TTC34: variants seen among roughly 807,000 people sequenced by gnomAD.
The protein encoded by TTC34 is tetratricopeptide repeat domain 34, also known as tetratricopeptide repeat protein 34.
TTC34 carries 44 observed loss-of-function variants against 40.7 expected under a neutral mutation model. The ratio of observed to expected loss-of-function variants is 1.08; its 90% CI spans 0.85 to 1.39. TTC34 has a LOEUF of 1.39. TTC34 is among the 40% of genes most tolerant of loss of function. TTC34 has a pLI of 0.00. For synonymous variants in TTC34, 422 were observed against 398.6 expected, an observed-to-expected ratio of 1.06 and a Z score of -0.70; for missense variants, 884 against 838.0, an observed-to-expected ratio of 1.05 and a Z score of -0.68.
At chr1:2,790,102 G>A (rs888848954) in exon 3 of TTC34, 2 of 398,046 alleles carry the variant, frequency 5.0e-6, no homozygotes, top group East Asian at 7.1e-5. Flanking sequence ...CCGCATCCTC[G>A]CGGAGCTCAG....
At chr1:2,660,795 C>A (rs1570772548) in intron 6 of TTC34, among the ~76,000 whole-genome samples, 1 of 131,234 alleles carries the variant, frequency 7.6e-6, no homozygotes, top group African/African-American at 3.1e-5. Context: ...CCCACACCCC[C>A]AGGTGAGCAT....
chr1:2,654,541 G>C (rs1390897286), intron 6 of TTC34, among the ~76,000 whole-genome samples: 25 of 140,248 alleles, frequency 1.8e-4, no homozygotes, highest in African/African-American at 6.6e-4. Flanking sequence ...ACCCCCAGGC[G>C]AGCATCTGAC....
chr1:2,791,861 C>T (rs1054443143), intron 2 of TTC34, among the ~76,000 whole-genome samples: 3 of 151,912 alleles, frequency 2.0e-5, no homozygotes, highest in East Asian at 1.9e-4. Context: ...TGATATTGTC[C>T]CCAGGTCACC....
chr1:2,677,284 C>T (rs1639940345), intron 6 of TTC34, among the ~76,000 whole-genome samples: 1 of 54,304 alleles, frequency 1.8e-5, no homozygotes, highest in Non-Finnish European at 4.2e-5. Context: ...GGAGCAGCAC[C>T]CACAACCACA....
chr1:2,767,511 C>G (rs1203502388), intron 6 of TTC34, among the ~76,000 whole-genome samples: 4 of 145,418 alleles, frequency 2.8e-5, no homozygotes, highest in African/African-American at 7.7e-5. Context: ...CAGCCTGGAA[C>G]AGAACCCCAC....
intron 6 of TTC34, among the ~76,000 whole-genome samples, chr1:2,775,836 G>A (rs1210725543): frequency 1.4e-5 from 2 of 143,644 alleles, no homozygotes; most frequent in Non-Finnish European, 3.0e-5. Flanking sequence ...GCCCACCCCT[G>A]GGTGAGGATG....
intron 6 of TTC34, among the ~76,000 whole-genome samples, chr1:2,693,182 ACACCCCCAGGTGCG>A: frequency 9.7e-6 from 1 of 102,694 alleles, no homozygotes; most frequent in Non-Finnish European, 1.9e-5. Context: ...GTCCGCACCC[ACACCCCCAGGTGCG>A]CATCTGATGG....
At chr1:2,750,236 A>T (rs1641270388) in intron 6 of TTC34, among the ~76,000 whole-genome samples, 10 of 151,976 alleles carry the variant, frequency 6.6e-5, no homozygotes, top group Middle Eastern at 3.5e-3. Context: ...CTGGAGCAGC[A>T]CCCACACCCA....
chr1:2,793,089 T>C (rs1313766980), intron 2 of TTC34, among the ~76,000 whole-genome samples: 1 of 152,272 alleles, frequency 6.6e-6, no homozygotes, highest in Non-Finnish European at 1.5e-5. Context: ...TATTGTTAGA[T>C]AGACAATTTT....
At chr1:2,795,728 A>C (rs1018379977) in intron 2 of TTC34, among the ~76,000 whole-genome samples, 3 of 152,210 alleles carry the variant, frequency 2.0e-5, no homozygotes, top group African/African-American at 7.2e-5. Flanking sequence ...ACAAATTGGA[A>C]GTGGTCATCC....
chr1:2,750,890 CA>C (rs1421746458), intron 6 of TTC34, among the ~76,000 whole-genome samples: 3 of 91,720 alleles, frequency 3.3e-5, no homozygotes, highest in Admixed American at 1.1e-4. Context: ...CCCAAACCCC[CA>C]GGCGAGCATC....
chr1:2,771,835 C>T lies in TTC34; in HGVS notation c.2226+11774G>A, dbSNP rs201189812. Among the ~76,000 whole-genome samples, 27 of 81,964 alleles carry T rather than the reference C, an allele frequency of 3.3e-4. No homozygotes were observed. The East Asian group carries it at 4.7e-3, about 14-fold the overall frequency. The allele number at this position is 81,964 out of a possible 152,430, so 53.8% of individuals were successfully genotyped here. A position where few individuals can be genotyped will look rare whatever the true frequency, so the allele number is the denominator to read the frequency against. On this transcript the variant is annotated intron_variant, in intron 6 of 8. Transcript: ENST00000401095. ...GTGAGCATCTGACAGCCTGGAGCAG[C>T]GCCCACACACTGAGGTGAGCATCTG...
At chr1:2,652,512 A>AGGGT (rs1639180742) in intron 6 of TTC34, among the ~76,000 whole-genome samples, 1 of 28,200 alleles carries the variant, frequency 3.5e-5, no homozygotes, top group Non-Finnish European at 7.4e-5. Context: ...ACGGCCTGCA[A>AGGGT]CAGCACCCAC....
intron 6 of TTC34, among the ~76,000 whole-genome samples, chr1:2,693,680 T>C (rs1640730466): frequency 1.5e-5 from 1 of 67,842 alleles, no homozygotes; most frequent in East Asian, 3.5e-4. Flanking sequence ...CAGGTGAGCA[T>C]CTGACAGCGT....
chr1:2,800,645 G>A (rs1168727677), exon 2 of TTC34: 6 of 398,346 alleles, frequency 1.5e-5, no homozygotes, highest in Middle Eastern at 6.2e-4. Flanking sequence ...AGGACTCCAG[G>A]GTGGCCACCA....
At chr1:2,751,671 T>C (rs1170007287) in intron 6 of TTC34, among the ~76,000 whole-genome samples, 1 of 143,312 alleles carries the variant, frequency 7.0e-6, no homozygotes, top group African/African-American at 2.7e-5. Context: ...TTGGACAGCC[T>C]GGATCAGCAC....
At position 2,645,182 on chromosome 1, in the gene TTC34, T is replaced by C; in HGVS notation, c.2497+111A>G. ...TTGGGGTGGAAGGGACCTTGGAAGCTGTTGTGGTCCGGGTCTCTTTCTTCC... is the reference window on the plus strand; with the variant it reads ...TTGGGGTGGAAGGGACCTTGGAAGCCGTTGTGGTCCGGGTCTCTTTCTTCC... On this transcript the variant is annotated intron_variant, in intron 7 of 8. Transcript: ENST00000401095. This position sits in a 1 kb window ranked among gnomAD's most constrained non-coding sequence, Gnocchi z 4.7. 2.4e-6 allele frequency: 3 copies of C among 1,269,274 alleles called. No individual in the cohort carries two copies. Among genetic ancestry groups the C allele is most frequent in the Non-Finnish European group, 3.1e-6 (3 of 981,558 alleles). The allele number at this position is 1,269,274 out of a possible 1,614,324, so 78.6% of individuals were successfully genotyped here. A position where few individuals can be genotyped will look rare whatever the true frequency, so the allele number is the denominator to read the frequency against.
rs540102703 is a variant in TTC34 at position 2,643,728 on chromosome 1, T to G, written c.2712+536A>C. 1.5e-3 allele frequency among the ~76,000 whole-genome samples: 228 copies of G among 152,332 alleles called. 12 individuals are homozygous for G. The South Asian group carries it at 0.046, about 30-fold the overall frequency. ...GTGTAGCCCCGACTCCGCCATGAGC[T>G]CCCTGTTCTTCCTAGTGTGGTTTCT... On this transcript the variant is annotated intron_variant, in intron 8 of 8. Coordinates refer to ENST00000401095, the Ensembl canonical transcript of TTC34.
At chr1:2,646,926 CAA>C (rs1202679239) in intron 6 of TTC34, among the ~76,000 whole-genome samples, 1 of 152,192 alleles carries the variant, frequency 6.6e-6, no homozygotes, top group Non-Finnish European at 1.5e-5. Context: ...GACATTTTAA[CAA>C]GATGGATAAT....
Sources: gnomAD v4.1 joint callset for allele counts (sites outside exome capture counted in the v4.1 genomes callset) on GRCh38, gnomAD v4.1.1 for gene constraint, Gnocchi (gnomAD v3.1) non-coding constraint, MANE v1.5 for transcripts, NCBI Gene and HGNC (gene_info 2026-07-23, HGNC 2026-07-21) for gene names.